The following KIF6 variants were observed in gnomAD, a reference collection of about 807,000 sequenced individuals.
KIF6 encodes the protein kinesin family member 6.
In KIF6, 106 loss-of-function variants were observed where a neutral mutation model predicts 112.7. The observed-to-expected ratio is 0.94, with a 90% CI of 0.80 to 1.11. The LOEUF is 1.11. KIF6 is among the 50% of genes least tolerant of loss of function. The pLI, the probability that KIF6 is intolerant of heterozygous loss-of-function variation, is 0.00. For synonymous variants in KIF6, 339 were observed against 339.9 expected (o/e 1.00, Z 0.03); for missense variants, 929 against 964.0 (o/e 0.96, Z 0.48).
rs1474723786 is a variant in KIF6, at chr6:39,336,457, G to A, written c.*75C>T. Reference sequence around the variant, plus strand: ...CCCATAGTTCACTTCTGAAGCCAGAGCAAGTGAGGGGCGCTGCCTTCATCT... The same window carrying A: ...CCCATAGTTCACTTCTGAAGCCAGAACAAGTGAGGGGCGCTGCCTTCATCT... On this transcript the variant is annotated 3_prime_UTR_variant, in exon 23 of 23. Coordinates refer to ENST00000287152, the MANE Select transcript of KIF6 (RefSeq NM_145027.6). 60 of 1,419,448 alleles carry A rather than the reference G, an allele frequency of 4.2e-5. 1 individual carries two copies. In the South Asian group the frequency reaches 5.1e-4, roughly 12 times the overall value. The allele number at this position is 1,419,448 out of a possible 1,614,324, so 87.9% of individuals were successfully genotyped here.
chr6:39,400,582 C>T (rs1405255614), intron 15 of KIF6, among the ~76,000 whole-genome samples: 2 of 152,158 alleles, frequency 1.3e-5, no homozygotes, highest in Admixed American at 1.3e-4. Flanking sequence ...TTTTCTCTAT[C>T]CCCAAAGGCT....
intron 13 of KIF6, among the ~76,000 whole-genome samples, chr6:39,478,950 G>GT (rs1051832064): frequency 5.3e-5 from 8 of 151,114 alleles, no homozygotes; most frequent in Admixed American, 1.3e-4. Context: ...TGATGGGATT[G>GT]TTTTTTTTCT....
intron 10 of KIF6, among the ~76,000 whole-genome samples, chr6:39,565,805 A>T (rs534460820): frequency 2.7e-4 from 41 of 152,384 alleles, no homozygotes; most frequent in African/African-American, 9.9e-4. Flanking sequence ...CAACTGTTAT[A>T]CAGATGTTGA....
At chr6:39,658,803 G>C (rs12199473) in intron 3 of KIF6, among the ~76,000 whole-genome samples, 9 of 152,160 alleles carry the variant, frequency 5.9e-5, no homozygotes, top group Non-Finnish European at 1.3e-4. Context: ...CTTCACACAG[G>C]GGGCAGTTAG....
chr6:39,671,026 A>G (rs1786786546), intron 3 of KIF6, among the ~76,000 whole-genome samples: 1 of 152,260 alleles, frequency 6.6e-6, no homozygotes, highest in Non-Finnish European at 1.5e-5. Context: ...TCACATACAA[A>G]GCACTTTGAT....
chr6:39,401,115 A>G lies in KIF6; in HGVS notation c.1811-15443T>C, dbSNP rs148213405. ...GCACGTACATGAAGAAGAGATAAGT[A>G]TCTGAATGGCAAATAGGTGCCCCTA... On this transcript the variant is annotated intron_variant, in intron 15 of 22. Coordinates refer to ENST00000287152, the MANE Select transcript of KIF6 (RefSeq NM_145027.6). Among the ~76,000 whole-genome samples the G allele has an allele frequency of 6.5e-3, 983 of 152,370 alleles. 9 individuals carry two copies. The highest frequency in any genetic ancestry group is 0.022 in the African/African-American group (929 of 41,586).
Position 39,513,803 on chromosome 6 carries a change from T to G in KIF6, c.1645+26200A>C, listed in dbSNP as rs981843067. Among the ~76,000 whole-genome samples, 25 of 152,198 alleles carry G rather than the reference T, an allele frequency of 1.6e-4. 1 individual carries two copies. Among genetic ancestry groups the G allele is most frequent in the Non-Finnish European group, 2.5e-4 (17 of 68,034 alleles). On this transcript the variant is annotated intron_variant, in intron 13 of 22. Transcript: ENST00000287152. ...GAACACACCTTATGGCACCCAGTAC[T>G]CTAGGATTCTGGTACTGGAATAATA...
chr6:39,498,717 T>C (rs922591955), intron 13 of KIF6, among the ~76,000 whole-genome samples: 1 of 152,000 alleles, frequency 6.6e-6, no homozygotes, highest in African/African-American at 2.4e-5. Flanking sequence ...TGTTGTAGAG[T>C]CAATATAATA....
At chr6:39,413,729 G>A (rs1769668156) in intron 15 of KIF6, among the ~76,000 whole-genome samples, 1 of 152,084 alleles carries the variant, frequency 6.6e-6, no homozygotes. Context: ...GAGGAGAGGA[G>A]AGGAGAGAGA....
chr6:39,653,490 T>C (rs1046758068), intron 3 of KIF6, among the ~76,000 whole-genome samples: 1 of 152,168 alleles, frequency 6.6e-6, no homozygotes, highest in Non-Finnish European at 1.5e-5. Context: ...GCACAGCCTC[T>C]AGGAAAGTCA....
At chr6:39,724,661 G>C (rs935624663) in intron 1 of KIF6, among the ~76,000 whole-genome samples, 1 of 152,152 alleles carries the variant, frequency 6.6e-6, no homozygotes, top group African/African-American at 2.4e-5. Flanking sequence ...AATACAAGGA[G>C]TATATGTAAA....
At chr6:39,489,033 G>T (rs1320662097) in intron 13 of KIF6, among the ~76,000 whole-genome samples, 1 of 152,134 alleles carries the variant, frequency 6.6e-6, no homozygotes, top group Non-Finnish European at 1.5e-5. Flanking sequence ...TTGCCCCCTT[G>T]ACATCAATTT....
At chr6:39,657,856 T>G (rs139227661) in intron 3 of KIF6, among the ~76,000 whole-genome samples, 281 of 152,320 alleles carry the variant, frequency 1.8e-3, no homozygotes, top group African/African-American at 6.3e-3. Context: ...TCTTTCATAT[T>G]GAAGACCACT....
At chr6:39,369,827 G>A (rs989759827) in intron 16 of KIF6, among the ~76,000 whole-genome samples, 13 of 152,048 alleles carry the variant, frequency 8.5e-5, no homozygotes, top group Non-Finnish European at 1.3e-4. Context: ...TGTTCAAATG[G>A]GAGCTCTCTC....
At chr6:39,668,230 CAT>C (rs145128662) in intron 3 of KIF6, among the ~76,000 whole-genome samples, 12,025 of 152,200 alleles carry the variant, frequency 0.079, 501 homozygotes, top group Middle Eastern at 0.11. Flanking sequence ...CAGACTAACA[CAT>C]GTCTTTCAGA....
Position 39,670,489 on chromosome 6 carries a change from T to C in KIF6, c.252-30732A>G, listed in dbSNP as rs1191403781. On this transcript the variant is annotated intron_variant, in intron 3 of 22. Coordinates refer to ENST00000287152, the MANE Select transcript of KIF6 (RefSeq NM_145027.6). ...AATTATAAGGAAGAAAAGATATTTA[T>C]TATTTATTAAGTGGAAGTGGGTCAT... 2.0e-5 allele frequency among the ~76,000 whole-genome samples: 3 copies of C among 152,174 alleles called. No homozygotes were observed. In the South Asian group the frequency reaches 6.2e-4, roughly 32 times the overall value.
intron 10 of KIF6, among the ~76,000 whole-genome samples, chr6:39,576,897 T>C (rs1482495796): frequency 2.0e-5 from 3 of 152,180 alleles, no homozygotes; most frequent in East Asian, 1.9e-4. Context: ...TCCTGACTTG[T>C]AGATCAAAAT....
In KIF6 at chr6:39,343,677, C is replaced by T; in HGVS notation, c.2428+32G>A. On this transcript the variant is annotated intron_variant, in intron 22 of 22. Transcript: ENST00000287152. The surrounding 1 kb of genome is among the most constrained non-coding windows in gnomAD (Gnocchi z 4.1). ...CCCACAAGTGTTGGTGACCTGCTGC[C>T]CAGGAGGAGCCACCGAGGGAGGTGC... The T allele has an allele frequency of 6.6e-7, 1 of 1,523,688 alleles. No individual in the cohort carries two copies. Among genetic ancestry groups the T allele is most frequent in the Non-Finnish European group, 9.0e-7 (1 of 1,112,744 alleles). The allele number at this position is 1,523,688 out of a possible 1,614,324, so 94.4% of individuals were successfully genotyped here.
At chr6:39,522,111 G>A (rs1777432755) in intron 13 of KIF6, among the ~76,000 whole-genome samples, 1 of 152,058 alleles carries the variant, frequency 6.6e-6, no homozygotes, top group Admixed American at 6.6e-5. Context: ...TCCCTTCACT[G>A]ACATCTCACT....
Sources: allele counts gnomAD v4.1 joint callset (sites outside exome capture counted in the v4.1 genomes callset), GRCh38; gene constraint gnomAD v4.1.1; non-coding constraint Gnocchi (gnomAD v3.1); transcripts MANE v1.5; gene names NCBI Gene and HGNC (gene_info 2026-07-23, HGNC 2026-07-21).